The following NPC1L1 variants were observed in gnomAD, a reference collection of about 807,000 sequenced individuals.
The protein encoded by NPC1L1 is NPC1-like intracellular cholesterol transporter 1.
A neutral mutation model predicts 117.0 loss-of-function variants in NPC1L1; 98 were observed. The ratio of observed to expected loss-of-function variants is 0.84; its 90% CI spans 0.71 to 0.99. The LOEUF (loss-of-function observed/expected upper bound fraction) is 0.99, where lower values mean the gene tolerates loss of function less well. Ranked by LOEUF, NPC1L1 falls within the 50% of genes least tolerant of loss-of-function variation. The pLI, the probability that NPC1L1 is intolerant of heterozygous loss-of-function variation, is 0.00. For missense variants in NPC1L1, 1,540 were observed against 1,710.0 expected (o/e 0.90, Z 1.75); for synonymous variants, 729 against 727.6 (o/e 1.00, Z -0.03).
chr7:44,532,591 G>A (rs1015820046), intron 8 of NPC1L1, among the ~76,000 whole-genome samples: 2 of 152,192 alleles, frequency 1.3e-5, no homozygotes, highest in Admixed American at 6.5e-5. Context: ...TGAAGACGAC[G>A]AGGATGAAGA....
At chr7:44,525,207 A>G (rs1272494610) in intron 10 of NPC1L1, among the ~76,000 whole-genome samples, 1 of 152,186 alleles carries the variant, frequency 6.6e-6, no homozygotes, top group African/African-American at 2.4e-5. Flanking sequence ...AACATTCAAG[A>G]AACTCAATAA....
In NPC1L1 at chr7:44,517,356, G is replaced by A. The variant is rs1016657961; in HGVS notation, c.3138C>T (p.Ala1046=). The A allele has an allele frequency of 3.7e-6, 6 of 1,610,878 alleles. No individual in the cohort carries two copies. Among genetic ancestry groups the A allele is most frequent in the Non-Finnish European group, 5.1e-6 (6 of 1,180,028 alleles). ...GCTTGTGATAGGCCATGAACCTGGA[G>A]GCTGGACAGCCATGGCACACAGAAG... ...VNLTSDGQVL[A]SRFMAYHKPL... The change falls in exon 15 of 19, where the codon GCC becomes GCT. Residue 1046 remains alanine, a splice_region_variant and synonymous_variant. Transcript: ENST00000381160.
intron 14 of NPC1L1, chr7:44,518,675 A>AAG: frequency 7.9e-7 from 1 of 1,261,288 alleles, no homozygotes; most frequent in African/African-American, 1.5e-5. Flanking sequence ...GTCTCAAAAA[A>AAG]AAAAAAAAAG....
chr7:44,528,648 G>C (rs559570120), intron 10 of NPC1L1, among the ~76,000 whole-genome samples: 4 of 152,292 alleles, frequency 2.6e-5, no homozygotes, highest in Admixed American at 2.6e-4. Context: ...AAATAAGTCA[G>C]TAATGCAGGA....
Position 44,535,822 on chromosome 7 carries a change from G to A in NPC1L1, c.1983+18C>T, listed in dbSNP as rs777360931. ...GTCCTGGGCTAGCCCACTTAGCTGT[G>A]TCCCTCCCGCTTCTCACCATCACTC... On this transcript the variant is annotated intron_variant, in intron 5 of 18. Coordinates refer to ENST00000381160, the MANE Select transcript of NPC1L1 (RefSeq NM_001101648.2). 16 of 1,612,312 alleles carry A rather than the reference G, an allele frequency of 9.9e-6. No individual in the cohort carries two copies. The East Asian group carries it at 1.3e-4, about 13-fold the overall frequency.
Position 44,534,769 on chromosome 7 carries a change from G to A in NPC1L1, c.1984-140C>T. The A allele has an allele frequency of 3.7e-6, 3 of 805,916 alleles. No homozygotes were observed. Among genetic ancestry groups the A allele is most frequent in the Non-Finnish European group, 5.9e-6 (3 of 509,644 alleles). 49.9% of individuals were successfully genotyped at this position (805,916 alleles called of 1,614,324 possible). ...CCGATACTGCCCCCAGTGGTGAGGA[G>A]CTCACATCTCACATTAAAGCCCCTC... is the stretch of plus-strand genomic sequence containing the variant. On this transcript the variant is annotated intron_variant, in intron 5 of 18. Coordinates refer to ENST00000381160, the MANE Select transcript of NPC1L1 (RefSeq NM_001101648.2). This position sits in a 1 kb window ranked among gnomAD's most constrained non-coding sequence, Gnocchi z 5.2.
At position 44,516,129 on chromosome 7, in the gene NPC1L1, G is replaced by C; in HGVS notation, c.3588C>G (p.Thr1196=). 1 of 1,613,012 alleles carries C rather than the reference G, an allele frequency of 6.2e-7. No homozygotes were observed. The highest frequency in any genetic ancestry group is 2.2e-5 in the East Asian group (1 of 44,862). Reference sequence around the variant, plus strand: ...TGGCCTCTTTGGCCCTCTCCAGCCAGGTGGGCTTGGTGCTGATGGCAAAGG... The same window carrying C: ...TGGCCTCTTTGGCCCTCTCCAGCCACGTGGGCTTGGTGCTGATGGCAAAGG... The part of the protein sequence containing the change: ...TRSFAISTKP[T]WLERAKEATI... The change falls in exon 17 of 19, where the codon ACC becomes ACG. Residue 1196 remains threonine, a synonymous_variant. Coordinates refer to ENST00000381160, the MANE Select transcript of NPC1L1 (RefSeq NM_001101648.2).
At chr7:44,527,781 T>C (rs945275294) in intron 10 of NPC1L1, among the ~76,000 whole-genome samples, 2 of 152,156 alleles carry the variant, frequency 1.3e-5, no homozygotes, top group African/African-American at 4.8e-5. Flanking sequence ...AAGAGACTCA[T>C]GCAAAAAAAA....
Position 44,521,104 on chromosome 7 carries a change from G to A in NPC1L1, c.2968C>T (p.Leu990=). The change falls in exon 13 of 19, where the codon CTA becomes TTA. Residue 990 remains leucine (L), a synonymous_variant. Transcript: ENST00000381160. ...ATCGTGATGCTCATGCAGTTCTTTA[G>A]GCAGTTCAGAGAGTCTGCAGAGAAA... is the stretch of plus-strand genomic sequence containing the variant. The part of the protein sequence containing the change: ...CPSTVNSLNC[L]KNCMSITMGS... The A allele has an allele frequency of 6.2e-7, 1 of 1,614,142 alleles. No homozygotes were observed. Among genetic ancestry groups the A allele is most frequent in the Non-Finnish European group, 8.5e-7 (1 of 1,180,040 alleles).
intron 14 of NPC1L1, 28 bp from the exon 15 acceptor site, chr7:44,517,385 G>A: frequency 6.2e-7 from 1 of 1,606,394 alleles, no homozygotes; most frequent in Middle Eastern, 1.7e-4. Context: ...ACAGAAGATG[G>A]AAGGGCAAAG....
intron 10 of NPC1L1, among the ~76,000 whole-genome samples, chr7:44,523,470 G>C (rs1230537439): frequency 6.6e-6 from 1 of 152,186 alleles, no homozygotes; most frequent in Admixed American, 6.5e-5. Flanking sequence ...TACAGTAGCA[G>C]CTACCCATTT....
intron 2 of NPC1L1, among the ~76,000 whole-genome samples, chr7:44,537,507 C>T (rs939689961): frequency 6.6e-6 from 1 of 152,224 alleles, no homozygotes; most frequent in East Asian, 1.9e-4. Context: ...GTTTACTAGA[C>T]TGGTGCCCTC....
At chr7:44,521,144 A>G in intron 12 of NPC1L1, 26 bp from the exon 13 acceptor site, 1 of 1,613,872 alleles carries the variant, frequency 6.2e-7, no homozygotes, top group Non-Finnish European at 8.5e-7. Flanking sequence ...GGGTCTGGGC[A>G]GTGACACCCC....
Position 44,517,196 on chromosome 7 carries a change from C to G in NPC1L1, c.3287+11G>C. The G allele has an allele frequency of 6.2e-7, 1 of 1,614,140 alleles. No individual in the cohort carries two copies. The highest frequency in any genetic ancestry group is 8.5e-7 in the Non-Finnish European group (1 of 1,179,984). ...CCCACCTCCCTCCAGCCCAGCCACT[C>G]AGGTCCTCACGTGTAGGGGAAGACC... On this transcript the variant is annotated intron_variant, in intron 15 of 18. Transcript: ENST00000381160.
chr7:44,519,541 G>A (rs1190466388), intron 14 of NPC1L1, among the ~76,000 whole-genome samples: 1 of 152,144 alleles, frequency 6.6e-6, no homozygotes, highest in East Asian at 1.9e-4. Context: ...CGAACTTGAG[G>A]CAGCTTTCAG....
chr7:44,512,545 CA>C lies in NPC1L1; in HGVS notation c.*901del, dbSNP rs1801069530. 6.6e-6 allele frequency: 1 copy of C among 152,262 alleles called. No homozygotes were observed. The highest frequency in any genetic ancestry group is 1.5e-5 in the Non-Finnish European group (1 of 68,052). The allele number at this position is 152,262 out of a possible 1,614,324, so 9.4% of individuals were successfully genotyped here. On this transcript the variant is annotated 3_prime_UTR_variant, in exon 19 of 19. Coordinates refer to ENST00000381160, the MANE Select transcript of NPC1L1 (RefSeq NM_001101648.2). ...TGACATAAAACACCATTTCTGCCAA[CA>C]AATGTTTATTAAACACCTATGTGCA...
chr7:44,523,945 A>C (rs1419411768), intron 10 of NPC1L1, among the ~76,000 whole-genome samples: 1 of 152,216 alleles, frequency 6.6e-6, no homozygotes, highest in Non-Finnish European at 1.5e-5. Context: ...TTGGTGGTAC[A>C]GATACACAGG....
intron 10 of NPC1L1, among the ~76,000 whole-genome samples, chr7:44,528,194 T>G (rs749546083): frequency 1.3e-5 from 2 of 152,238 alleles, no homozygotes; most frequent in Non-Finnish European, 2.9e-5. Flanking sequence ...CATAGCTGAC[T>G]GCATACTTGA....
chr7:44,539,038 G>C lies in NPC1L1; in HGVS notation c.1359C>G (p.His453Gln). ...GTGCTTCGGGCGACCATACCTGGAG[G>C]TGCCGCAGCCTCTCCTGCAGCTCTA... ...ELLELQERLR[H>Q]LQVWSPEAQR... The change falls in exon 2 of 19, where the codon CAC (histidine) becomes CAG (glutamine). Residue 453 changes from histidine (H) to glutamine (Q), a missense_variant. By Grantham distance (24) the His-to-Gln change is conservative (BLOSUM62 0). This residue lies in a region of NPC1L1 where 793 missense variants were observed against 820.4 expected (regional missense o/e 0.97). Coordinates refer to ENST00000381160, the MANE Select transcript of NPC1L1 (RefSeq NM_001101648.2). The surrounding 1 kb of genome is among the most constrained non-coding windows in gnomAD (Gnocchi z 4.4). 1 of 1,614,084 alleles carries C rather than the reference G, an allele frequency of 6.2e-7. No individual in the cohort carries two copies. The highest frequency in any genetic ancestry group is 8.5e-7 in the Non-Finnish European group (1 of 1,179,976).
Sources: gnomAD v4.1 joint callset for allele counts (sites outside exome capture counted in the v4.1 genomes callset) on GRCh38, gnomAD v4.1.1 for gene constraint, gnomAD v4.1.1 regional missense constraint, Gnocchi (gnomAD v3.1) non-coding constraint, MANE v1.5 for transcripts, NCBI Gene and HGNC (gene_info 2026-07-23, HGNC 2026-07-21) for gene names.